Variants in SEMA3A observed in about 807,000 individuals in gnomAD.
SEMA3A encodes the protein semaphorin 3A.
In SEMA3A, 29 loss-of-function variants were observed where a neutral mutation model predicts 97.9. That is an observed-to-expected ratio of 0.30 (90% CI 0.22 to 0.40). The LOEUF (loss-of-function observed/expected upper bound fraction) is 0.40. Ranked by LOEUF, SEMA3A falls within the 10% of genes least tolerant of loss-of-function variation. SEMA3A has a pLI of 1.00. For synonymous variants in SEMA3A, 321 were observed against 323.7 expected (o/e 0.99, Z 0.09); for missense variants, 763 against 951.3 (o/e 0.80, Z 2.60).
chr7:84,359,133 T>C (rs972401026), intron 2 of SEMA3A, among the ~76,000 whole-genome samples: 10 of 152,094 alleles, frequency 6.6e-5, no homozygotes, highest in South Asian at 4.1e-4. Context: ...CCTTTATTTC[T>C]TTCTCCTGCC....
intron 3 of SEMA3A, among the ~76,000 whole-genome samples, chr7:84,124,769 A>G (rs999857170): frequency 1.3e-5 from 2 of 152,166 alleles, no homozygotes; most frequent in African/African-American, 4.8e-5. Context: ...TAAGAAAGAA[A>G]TGCAAAAATT....
At chr7:84,099,437 T>A (rs1226161520) in intron 4 of SEMA3A, among the ~76,000 whole-genome samples, 1 of 152,148 alleles carries the variant, frequency 6.6e-6, no homozygotes, top group Non-Finnish European at 1.5e-5. Flanking sequence ...AAATAGCATT[T>A]TCTTTATTTA....
rs1433746607 is a variant in SEMA3A at position 84,360,240 on chromosome 7, A to AT, written c.-169+11583dup. ...TTTTAATTGTGATGTTAGGGTGTCA[A>AT]TTTTAGATCATTCCTGCTTTCTCTT... On this transcript the variant is annotated intron_variant, in intron 2 of 3. Transcript: ENST00000424555. Among the ~76,000 whole-genome samples the AT allele has an allele frequency of 4.6e-5, 7 of 151,984 alleles. No homozygotes were observed. The East Asian group carries it at 1.4e-3, about 30-fold the overall frequency.
At chr7:84,466,212 C>A (rs1303622733) in intron 1 of SEMA3A, among the ~76,000 whole-genome samples, 1 of 152,090 alleles carries the variant, frequency 6.6e-6, no homozygotes, top group Non-Finnish European at 1.5e-5. Context: ...TTGCTCTTGT[C>A]ACCCAGGCTG....
chr7:84,050,853 T>C lies in SEMA3A; in HGVS notation c.548-4410A>G, dbSNP rs565446139. ...TTTTTATGGTTTTAGGTCAAACGTT[T>C]AAGTCTTTAATCCATCTTGAATTGA... On this transcript the variant is annotated intron_variant, in intron 5 of 16. Transcript: ENST00000265362. Among the ~76,000 whole-genome samples, 381 of 151,774 alleles carry C rather than the reference T, an allele frequency of 2.5e-3. 2 individuals are homozygous for C. The highest frequency in any genetic ancestry group is 8.5e-3 in the African/African-American group (354 of 41,522).
chr7:84,063,146 C>A (rs202219285), intron 4 of SEMA3A, among the ~76,000 whole-genome samples: 5,844 of 150,068 alleles, frequency 0.039, 215 homozygotes, highest in East Asian at 0.17. Flanking sequence ...GAGGCACCCC[C>A]AAGCAGGGGC....
chr7:84,074,333 G>A, intron 4 of SEMA3A, among the ~76,000 whole-genome samples: 1 of 152,074 alleles, frequency 6.6e-6, no homozygotes, highest in Non-Finnish European at 1.5e-5. Flanking sequence ...AAATTAGCCT[G>A]TCAGAAGTAG....
chr7:84,361,219 G>A (rs186632630), intron 2 of SEMA3A, among the ~76,000 whole-genome samples: 3 of 152,124 alleles, frequency 2.0e-5, no homozygotes, highest in East Asian at 1.9e-4. Flanking sequence ...ATCCAAAGAC[G>A]AGAGAGACAA....
chr7:84,437,855 A>G (rs1805177030), intron 1 of SEMA3A, among the ~76,000 whole-genome samples: 1 of 152,032 alleles, frequency 6.6e-6, no homozygotes, highest in South Asian at 2.1e-4. Flanking sequence ...CAATTCATAT[A>G]AACTATAATG....
rs1312766229 is a variant in SEMA3A at position 84,066,427 on chromosome 7, T to C, written c.454-5869A>G. The stretch of plus-strand genomic sequence containing the variant: ...TGTTCGAAGTTCTGGCCAGGGCAGT[T>C]AGGCAGGAGAAGGAAATAAAGGGTA... On this transcript the variant is annotated intron_variant, in intron 4 of 16. Coordinates refer to ENST00000265362, the MANE Select transcript of SEMA3A (RefSeq NM_006080.3). Among the ~76,000 whole-genome samples, 100 of 139,498 alleles carry C rather than the reference T, an allele frequency of 7.2e-4. 1 individual carries two copies. The highest frequency in any genetic ancestry group is 2.6e-3 in the African/African-American group (95 of 36,284). 91.5% of individuals were successfully genotyped at this position (139,498 alleles called of 152,430 possible). A position where few individuals can be genotyped will look rare whatever the true frequency, so the allele number is the denominator to read the frequency against.
At chr7:84,145,193 T>C (rs1224355238) in intron 1 of SEMA3A, among the ~76,000 whole-genome samples, 2 of 152,148 alleles carry the variant, frequency 1.3e-5, no homozygotes, top group African/African-American at 4.8e-5. Flanking sequence ...CTGTGAATTC[T>C]TGACCTTCTA....
chr7:84,004,043 T>C (rs1464888198), intron 11 of SEMA3A, among the ~76,000 whole-genome samples: 1 of 148,488 alleles, frequency 6.7e-6, no homozygotes, highest in Admixed American at 6.7e-5. Context: ...GTTGCCATTC[T>C]CCTGTAGTTA....
chr7:84,389,795 T>C (rs1803493069), intron 1 of SEMA3A, among the ~76,000 whole-genome samples: 1 of 152,116 alleles, frequency 6.6e-6, no homozygotes. Flanking sequence ...CTTTAAAAAG[T>C]TTATAAAATT....
intron 12 of SEMA3A, among the ~76,000 whole-genome samples, chr7:83,998,011 C>T (rs1159250128): frequency 1.3e-5 from 2 of 151,908 alleles, no homozygotes; most frequent in African/African-American, 2.4e-5. Context: ...GCTGGAATTA[C>T]AGGTGTGAGC....
intron 5 of SEMA3A, among the ~76,000 whole-genome samples, chr7:84,049,250 G>C (rs923210847): frequency 4.6e-5 from 7 of 151,994 alleles, no homozygotes; most frequent in Admixed American, 1.3e-4. Flanking sequence ...TATTGAACTG[G>C]AGGGTACCAG....
At chr7:84,052,010 C>T (rs1415291894) in intron 5 of SEMA3A, among the ~76,000 whole-genome samples, 2 of 151,684 alleles carry the variant, frequency 1.3e-5, no homozygotes, top group South Asian at 2.1e-4. Flanking sequence ...TGCTGGATTA[C>T]ATTTATTGAT....
At chr7:84,418,868 TTCTC>T (rs1264014008) in intron 1 of SEMA3A, among the ~76,000 whole-genome samples, 1 of 151,912 alleles carries the variant, frequency 6.6e-6, no homozygotes, top group Non-Finnish European at 1.5e-5. Context: ...TGTGAGTCAA[TTCTC>T]TCTAATAAAA....
At chr7:84,390,308 T>A (rs1803506914) in intron 1 of SEMA3A, among the ~76,000 whole-genome samples, 1 of 147,468 alleles carries the variant, frequency 6.8e-6, no homozygotes, top group South Asian at 2.1e-4. Context: ...TTTTTTTTTT[T>A]AATTGAAAAA....
intron 15 of SEMA3A, among the ~76,000 whole-genome samples, chr7:83,967,118 G>T (rs938211355): frequency 6.6e-6 from 1 of 152,106 alleles, no homozygotes; most frequent in Non-Finnish European, 1.5e-5. Flanking sequence ...ATTTAAAATG[G>T]CCTCAGCCAA....
Sources: gnomAD v4.1 joint callset for allele counts (sites outside exome capture counted in the v4.1 genomes callset) on GRCh38, gnomAD v4.1.1 for gene constraint, MANE v1.5 for transcripts, NCBI Gene and HGNC (gene_info 2026-07-23, HGNC 2026-07-21) for gene names.